The following SMYD4 variants were observed in gnomAD, a reference collection of about 807,000 sequenced individuals.
The protein encoded by SMYD4 is protein-lysine N-methyltransferase SMYD4.
In SMYD4, 68 loss-of-function variants were observed where a neutral mutation model predicts 72.8. The ratio of observed to expected loss-of-function variants is 0.93; its 90% CI spans 0.77 to 1.14. The LOEUF (loss-of-function observed/expected upper bound fraction) is 1.14, where lower values mean the gene tolerates loss of function less well. SMYD4 is among the 50% of genes most tolerant of loss of function. SMYD4 has a pLI of 0.00. For synonymous variants in SMYD4, 407 were observed against 388.6 expected (o/e 1.05, Z -0.56); for missense variants, 984 against 1,003.7 (o/e 0.98, Z 0.27).
intron 5 of SMYD4, among the ~76,000 whole-genome samples, chr17:1,798,943 T>A (rs939120749): frequency 6.6e-6 from 1 of 151,492 alleles, no homozygotes; most frequent in Non-Finnish European, 1.5e-5. Flanking sequence ...AAATTTTTTT[T>A]CAGCAATATG....
At chr17:1,803,187 T>A (rs747286856) in intron 4 of SMYD4, among the ~76,000 whole-genome samples, 6 of 152,132 alleles carry the variant, frequency 3.9e-5, no homozygotes, top group Non-Finnish European at 8.8e-5. Context: ...GACAAAGTCC[T>A]CAACTTTTTC....
At chr17:1,815,500 G>A (rs1019550911) in intron 2 of SMYD4, among the ~76,000 whole-genome samples, 5 of 107,346 alleles carry the variant, frequency 4.7e-5, no homozygotes, top group African/African-American at 1.8e-4. Context: ...GCATCCAGCC[G>A]ATTCTTTTTT....
chr17:1,781,696 C>G (rs992506797), intron 10 of SMYD4: 3 of 254,562 alleles, frequency 1.2e-5, no homozygotes, highest in Admixed American at 5.9e-5. Context: ...TTTTTTGAGA[C>G]AAGAGTTTCA....
intron 3 of SMYD4, among the ~76,000 whole-genome samples, chr17:1,806,645 T>C (rs531131979): frequency 1.3e-5 from 2 of 152,270 alleles, no homozygotes; most frequent in South Asian, 2.1e-4. Context: ...CAAAATAAAA[T>C]TGATGGCACA....
At chr17:1,808,945 TG>T (rs1910181858) in intron 3 of SMYD4, among the ~76,000 whole-genome samples, 1 of 152,236 alleles carries the variant, frequency 6.6e-6, no homozygotes. Flanking sequence ...CTGTTGTAGG[TG>T]TGATCGTTTT....
Position 1,779,990 on chromosome 17 carries a change from G to T in SMYD4, c.*1296C>A, listed in dbSNP as rs1133109. ...CCAGGCTAACATCCAGATGCCTGCA[G>T]ATCAGCTAAAATCCTTTTAAAGGAC... On this transcript the variant is annotated 3_prime_UTR_variant, in exon 11 of 11. Transcript: ENST00000305513. 41,140 of 152,462 alleles carry T rather than the reference G, an allele frequency of 0.27. 6,178 individuals are homozygous for T. Among genetic ancestry groups the T allele is most frequent in the East Asian group, 0.37 (1,935 of 5,176 alleles). The allele number at this position is 152,462 out of a possible 1,614,324, so 9.4% of individuals were successfully genotyped here. A position where few individuals can be genotyped will look rare whatever the true frequency, so the allele number is the denominator to read the frequency against.
intron 3 of SMYD4, among the ~76,000 whole-genome samples, chr17:1,810,348 C>A (rs947546993): frequency 2.6e-5 from 4 of 151,936 alleles, no homozygotes; most frequent in Non-Finnish European, 5.9e-5. Flanking sequence ...ACCAGCCTGG[C>A]CAACATGGCG....
intron 5 of SMYD4, among the ~76,000 whole-genome samples, chr17:1,788,835 G>C (rs924077932): frequency 1.3e-5 from 2 of 152,186 alleles, no homozygotes; most frequent in African/African-American, 4.8e-5. Flanking sequence ...CTTAGCCAGA[G>C]GCTCTACCTG....
At chr17:1,798,387 C>T (rs548295655) in intron 5 of SMYD4, among the ~76,000 whole-genome samples, 3 of 152,024 alleles carry the variant, frequency 2.0e-5, no homozygotes, top group African/African-American at 7.2e-5. Flanking sequence ...GGATTACAGG[C>T]GTACTGTGTC....
intron 10 of SMYD4, chr17:1,782,681 G>C (rs1235908626): frequency 4.8e-6 from 1 of 207,866 alleles, no homozygotes; most frequent in Non-Finnish European, 9.6e-6. Context: ...CTATACTGGA[G>C]GGTGGGTGGG....
At chr17:1,781,630 T>C (rs1263051230) in intron 10 of SMYD4, 191 bp from the exon 11 acceptor site, 1 of 547,092 alleles carries the variant, frequency 1.8e-6, no homozygotes, top group Non-Finnish European at 3.0e-6. Flanking sequence ...TTATAAAAGA[T>C]AGTATAGACG....
At chr17:1,782,163 A>C (rs1476336197) in intron 10 of SMYD4, 1 of 152,132 alleles carries the variant, frequency 6.6e-6, no homozygotes, top group South Asian at 2.1e-4. Context: ...TTTAACCTTC[A>C]AAGTAGAACA....
At chr17:1,799,010 G>A (rs1298424143) in intron 5 of SMYD4, among the ~76,000 whole-genome samples, 10 of 151,922 alleles carry the variant, frequency 6.6e-5, no homozygotes, top group Admixed American at 6.6e-4. Flanking sequence ...GGTGGCTCAT[G>A]CCTATAATCC....
chr17:1,800,008 G>T lies in SMYD4; in HGVS notation c.1386C>A (p.Ile462=). ...RQLEAASLQA[I]PTERIVNSSQ... is the part of the protein sequence containing the mutation. ...AGGAGTTCACAATCCTCTCAGTTGG[G>T]ATGGCCTGTAAACTGGCTGCTTCTA... Residue 462 remains isoleucine, a synonymous_variant, in exon 5 of 11, where the codon ATC becomes ATA. Coordinates refer to ENST00000305513, the MANE Select transcript of SMYD4 (RefSeq NM_052928.3). 6.2e-7 allele frequency: 1 copy of T among 1,614,142 alleles called. No individual in the cohort carries two copies. Among genetic ancestry groups the T allele is most frequent in the Non-Finnish European group, 8.5e-7 (1 of 1,180,026 alleles).
At chr17:1,804,414 T>G in intron 4 of SMYD4, 1 of 432,784 alleles carries the variant, frequency 2.3e-6, no homozygotes, top group East Asian at 4.5e-5. Context: ...TGACCTCAGG[T>G]GATCCGCCCG....
chr17:1,827,345 G>GAAAAAAAGAAAAAA (rs1225862100), intron 2 of SMYD4, among the ~76,000 whole-genome samples: 407 of 103,490 alleles, frequency 3.9e-3, no homozygotes, highest in South Asian at 7.8e-3. Flanking sequence ...TCAAGAAAAA[G>GAAAAAAAGAAAAAA]AAAAAAAGAA....
intron 3 of SMYD4, 36 bp downstream of exon 3, chr17:1,811,935 A>G: frequency 6.2e-7 from 1 of 1,604,360 alleles, no homozygotes; most frequent in Non-Finnish European, 8.5e-7. Context: ...TCAGAGAAAA[A>G]TAAATAATAA....
chr17:1,800,337 T>G lies in SMYD4; in HGVS notation c.1057A>C (p.Arg353=), dbSNP rs1250234547. The change falls in exon 5 of 11, where the codon AGG becomes CGG. Residue 353 remains arginine, a synonymous_variant. Transcript: ENST00000305513. ...TCAAATCCCACCAAAAGAGTCAACC[T>G]CAGGGCAATGTGGCAAAAGACACCC... ...TLGVFCHIAL[R]LTLLVGFEDV... 3.1e-6 allele frequency: 5 copies of G among 1,614,000 alleles called. No homozygotes were observed. The Admixed American group carries it at 8.3e-5, about 27-fold the overall frequency.
chr17:1,822,033 T>C (rs1291160087), intron 2 of SMYD4, among the ~76,000 whole-genome samples: 2 of 152,078 alleles, frequency 1.3e-5, no homozygotes, highest in African/African-American at 4.8e-5. Flanking sequence ...GAGACTAGCC[T>C]GGCCAACATG....
Sources: gnomAD v4.1 joint callset for allele counts (sites outside exome capture counted in the v4.1 genomes callset) on GRCh38, gnomAD v4.1.1 for gene constraint, MANE v1.5 for transcripts, NCBI Gene and HGNC (gene_info 2026-07-23, HGNC 2026-07-21) for gene names.